PIK3C2A: variants seen among roughly 807,000 people sequenced by gnomAD.
PIK3C2A encodes the protein phosphatidylinositol-4-phosphate 3-kinase catalytic subunit type 2 alpha.
A neutral mutation model predicts 204.5 loss-of-function variants in PIK3C2A; 97 were observed. The ratio of observed to expected loss-of-function variants is 0.47; its 90% CI spans 0.40 to 0.56. The LOEUF is 0.56. PIK3C2A is among the 20% of genes least tolerant of loss of function. PIK3C2A has a pLI of 0.00. For missense variants in PIK3C2A, 1,735 were observed against 1,969.2 expected (o/e 0.88, Z 2.25); for synonymous variants, 653 against 664.4 (o/e 0.98, Z 0.26).
chr11:17,109,440 A>G (rs1020549732), intron 22 of PIK3C2A, among the ~76,000 whole-genome samples: 3 of 152,270 alleles, frequency 2.0e-5, no homozygotes, highest in Admixed American at 6.5e-5. Context: ...GATGTTTTAC[A>G]TCCATTATTT....
intron 22 of PIK3C2A, among the ~76,000 whole-genome samples, chr11:17,108,141 G>A (rs1160868314): frequency 6.6e-6 from 1 of 152,156 alleles, no homozygotes; most frequent in Non-Finnish European, 1.5e-5. Flanking sequence ...CAAAGTGCTG[G>A]GATTACAGGC....
At chr11:17,102,897 T>C (rs1848687709) in intron 23 of PIK3C2A, 66 bp from the exon 24 acceptor site, 13 of 1,022,240 alleles carry the variant, frequency 1.3e-5, no homozygotes, top group Non-Finnish European at 1.9e-5. Context: ...AGTTTATAAA[T>C]AGTAAAGTAA....
intron 23 of PIK3C2A, 46 bp from the exon 24 acceptor site, chr11:17,102,877 A>G: frequency 7.9e-7 from 1 of 1,271,108 alleles, no homozygotes; most frequent in Non-Finnish European, 1.1e-6. Flanking sequence ...ATTATTTTTA[A>G]AAGAGGCAGA....
chr11:17,138,085 A>G, intron 8 of PIK3C2A: 2 of 699,674 alleles, frequency 2.9e-6, no homozygotes, highest in Admixed American at 1.8e-5. Context: ...TTTAGCACAC[A>G]TGGAATCACC....
At chr11:17,201,025 G>C (rs1852354629) in intron 1 of PIK3C2A, among the ~76,000 whole-genome samples, 2 of 151,886 alleles carry the variant, frequency 1.3e-5, no homozygotes, top group African/African-American at 4.8e-5. Flanking sequence ...GGCCAACATG[G>C]TGAAATCCCG....
intron 1 of PIK3C2A, among the ~76,000 whole-genome samples, chr11:17,205,188 A>T (rs557609473): frequency 1.1e-4 from 17 of 151,128 alleles, no homozygotes; most frequent in Non-Finnish European, 1.9e-4. Context: ...AAAGAAAAAA[A>T]GAGCCGGGCA....
intron 16 of PIK3C2A, 60 bp downstream of exon 16, chr11:17,119,726 A>T: frequency 9.8e-7 from 1 of 1,024,976 alleles, no homozygotes. Flanking sequence ...TACTTCTGGC[A>T]ACATACCTTA....
intron 3 of PIK3C2A, among the ~76,000 whole-genome samples, chr11:17,153,568 A>G (rs1850487960): frequency 6.6e-6 from 1 of 152,220 alleles, no homozygotes; most frequent in African/African-American, 2.4e-5. Flanking sequence ...TCCTGAATCA[A>G]TGTATTACAG....
intron 1 of PIK3C2A, chr11:17,193,952 G>C (rs1852048069): frequency 3.0e-6 from 1 of 329,412 alleles, no homozygotes; most frequent in South Asian, 7.7e-5. Context: ...TCTCTCAAGG[G>C]GGTGGACCCC....
Position 17,093,647 on chromosome 11 carries a change from T to TGG in PIK3C2A, c.4451+612_4451+613dup, listed in dbSNP as rs61173745. On this transcript the variant is annotated intron_variant, in intron 28 of 32. Transcript: ENST00000691414. ...CTGATTTAGCATATGACTTTTTTTT[T>TGG]GGGGGGGGGGGACAGGGTCTCATTC... Among the ~76,000 whole-genome samples, 114 of 133,294 alleles carry TGG rather than the reference T, an allele frequency of 8.6e-4. 2 individuals are homozygous for TGG. The South Asian group carries it at 0.012, about 14-fold the overall frequency. The allele number at this position is 133,294 out of a possible 152,430, so 87.4% of individuals were successfully genotyped here.
chr11:17,177,756 C>T (rs1039314373), intron 1 of PIK3C2A, among the ~76,000 whole-genome samples: 1 of 151,996 alleles, frequency 6.6e-6, no homozygotes, highest in East Asian at 1.9e-4. Context: ...AAAAGAATGT[C>T]CAGGTATTTG....
intron 6 of PIK3C2A, among the ~76,000 whole-genome samples, chr11:17,147,205 A>C (rs1850270648): frequency 6.6e-6 from 1 of 152,176 alleles, no homozygotes; most frequent in South Asian, 2.1e-4. Context: ...TTTAGTATTC[A>C]AAATTTTTCC....
intron 6 of PIK3C2A, 33 bp from the exon 7 acceptor site, chr11:17,145,975 T>A: frequency 7.4e-6 from 11 of 1,495,610 alleles, no homozygotes; most frequent in Non-Finnish European, 8.4e-6. Context: ...AAAAATCACA[T>A]CCACTCTTTG....
Position 17,169,690 on chromosome 11 carries a change from G to T in PIK3C2A, c.52C>A (p.Pro18Thr). Residue 18 changes from proline (P) to threonine (T), a missense_variant, in exon 2 of 33, where the codon CCG becomes ACG. Around this residue, in one of 6 missense-constraint regions of PIK3C2A, gnomAD observed 536 missense variants for 546.7 expected, o/e 0.98. Coordinates refer to ENST00000691414, the MANE Select transcript of PIK3C2A (RefSeq NM_002645.4). Reference protein sequence around the residue: ...SGFKECPSSHPEPTRAKDVDK... With the variant: ...SGFKECPSSHTEPTRAKDVDK... The stretch of plus-strand genomic sequence containing the variant: ...ACATCTTTTGCTCTTGTTGGTTCCG[G>T]ATGTGAAGATGGACATTCTTTAAAT... The T allele has an allele frequency of 6.2e-7, 1 of 1,609,494 alleles. No homozygotes were observed.
intron 1 of PIK3C2A, among the ~76,000 whole-genome samples, chr11:17,178,234 A>G (rs1851406810): frequency 3.3e-5 from 5 of 152,170 alleles, no homozygotes; most frequent in Admixed American, 3.3e-4. Flanking sequence ...AATATGAAAT[A>G]TTTTATGATT....
intron 18 of PIK3C2A, 151 bp downstream of exon 18, chr11:17,118,494 G>A (rs1211919957): frequency 2.0e-6 from 1 of 503,858 alleles, no homozygotes; most frequent in Non-Finnish European, 3.5e-6. Context: ...TTGCATTAGA[G>A]GGTAAATTTA....
At chr11:17,124,584 C>T (rs139891428) in intron 13 of PIK3C2A, among the ~76,000 whole-genome samples, 164 of 152,110 alleles carry the variant, frequency 1.1e-3, no homozygotes, top group African/African-American at 3.7e-3. Context: ...CCTGCCTTTA[C>T]AGAGTTTATT....
intron 26 of PIK3C2A, 66 bp from the exon 27 acceptor site, chr11:17,097,330 T>A: frequency 2.0e-6 from 2 of 1,016,992 alleles, no homozygotes; most frequent in Non-Finnish European, 1.5e-6. Flanking sequence ...TTCAATGTAA[T>A]AAATGACAAA....
At chr11:17,206,672 G>A (rs1852588994) in intron 1 of PIK3C2A, among the ~76,000 whole-genome samples, 1 of 151,786 alleles carries the variant, frequency 6.6e-6, no homozygotes, top group Admixed American at 6.6e-5. Flanking sequence ...ACAAGCCAAG[G>A]AGGCAAAGGT....
Sources: allele counts gnomAD v4.1 joint callset (sites outside exome capture counted in the v4.1 genomes callset), GRCh38; gene constraint gnomAD v4.1.1; regional missense constraint gnomAD v4.1.1; transcripts MANE v1.5; gene names NCBI Gene and HGNC (gene_info 2026-07-23, HGNC 2026-07-21).